The following PLOD2 variants were observed in gnomAD, a reference collection of about 807,000 sequenced individuals.
PLOD2 encodes procollagen-lysine,2-oxoglutarate 5-dioxygenase 2.
In PLOD2, 65 loss-of-function variants were observed where a neutral mutation model predicts 101.0. That is an observed-to-expected ratio of 0.64 (90% CI 0.53 to 0.79). The LOEUF (loss-of-function observed/expected upper bound fraction) is 0.79. Among genes scored for constraint, PLOD2 ranks in the 30% least tolerant of loss-of-function variants. PLOD2 has a pLI of 0.00. For synonymous variants in PLOD2, 314 were observed against 302.9 expected (o/e 1.04, Z -0.38); for missense variants, 909 against 914.6 (o/e 0.99, Z 0.08).
intron 3 of PLOD2, among the ~76,000 whole-genome samples, chr3:146,115,006 GAAAAC>G (rs796759586): frequency 6.6e-6 from 1 of 152,058 alleles, no homozygotes; most frequent in Non-Finnish European, 1.5e-5. Flanking sequence ...AATGAATATA[GAAAAC>G]AAAACAAAAC....
intron 10 of PLOD2, 76 bp downstream of exon 10, chr3:146,086,711 T>C: frequency 9.0e-7 from 1 of 1,105,636 alleles, no homozygotes; most frequent in South Asian, 1.7e-5. Flanking sequence ...ATAACAATTT[T>C]AATTTAAAAG....
In PLOD2 at chr3:146,086,814, C is replaced by T. The variant is rs1936792933; in HGVS notation, c.1100G>A (p.Ser367Asn). 1 of 1,506,940 alleles carries T rather than the reference C, an allele frequency of 6.6e-7. No individual in the cohort carries two copies. The highest frequency in any genetic ancestry group is 1.4e-5 in the African/African-American group (1 of 72,434). The allele number at this position is 1,506,940 out of a possible 1,614,324, so 93.3% of individuals were successfully genotyped here. A position where few individuals can be genotyped will look rare whatever the true frequency, so the allele number is the denominator to read the frequency against. The change falls in exon 10 of 20, where the codon AGT becomes AAT. Residue 367 changes from serine to asparagine, a missense_variant. Physicochemically the swap from Ser to Asn is conservative, Grantham distance 46. Coordinates refer to ENST00000282903, the MANE Select transcript of PLOD2 (RefSeq NM_182943.3). ...TCCCATGTTTCTGGCTTCCGCTTGA[C>T]TTAGATTTTCTTCTGGTCCTACTAT... ...IKIVGPEENL[S>N]QAEARNMGMD...
At chr3:146,105,144 C>T (rs537939391) in intron 5 of PLOD2, 1 of 152,158 alleles carries the variant, frequency 6.6e-6, no homozygotes, top group South Asian at 2.1e-4. Flanking sequence ...CTCCCTACTT[C>T]TTAATTACTT....
chr3:146,071,230 T>G (rs748669154), intron 18 of PLOD2, 47 bp downstream of exon 18: 1 of 1,610,998 alleles, frequency 6.2e-7, no homozygotes, highest in Non-Finnish European at 8.5e-7. Flanking sequence ...AGAACACCTG[T>G]GTAAAAATGG....
Position 146,070,698 on chromosome 3 carries a change from T to A in PLOD2, c.*19A>T. 2 of 1,550,878 alleles carry A rather than the reference T, an allele frequency of 1.3e-6. No homozygotes were observed. Among genetic ancestry groups the A allele is most frequent in the Non-Finnish European group, 1.8e-6 (2 of 1,126,182 alleles). On this transcript the variant is annotated 3_prime_UTR_variant, in exon 20 of 20. Coordinates refer to ENST00000282903, the MANE Select transcript of PLOD2 (RefSeq NM_182943.3). The stretch of plus-strand genomic sequence containing the variant: ...TCATTCATCCAAAATAAATTTCAAT[T>A]CAATGAAAAGTAAATAACTTAGGGA...
chr3:146,124,943 G>A (rs1485477681), intron 1 of PLOD2, among the ~76,000 whole-genome samples: 2 of 151,950 alleles, frequency 1.3e-5, no homozygotes, highest in African/African-American at 2.4e-5. Flanking sequence ...CTTCTTTTTA[G>A]TAAAATTAGA....
In PLOD2 at chr3:146,104,260, C is replaced by A; in HGVS notation, c.679+19G>T. 6.7e-7 allele frequency: 1 copy of A among 1,483,076 alleles called. No individual in the cohort carries two copies. Among genetic ancestry groups the A allele is most frequent in the South Asian group, 1.1e-5 (1 of 88,522 alleles). 91.9% of individuals were successfully genotyped at this position (1,483,076 alleles called of 1,614,324 possible). A position where few individuals can be genotyped will look rare whatever the true frequency, so the allele number is the denominator to read the frequency against. On this transcript the variant is annotated intron_variant, in intron 6 of 19. Transcript: ENST00000282903. ...TGTTTGTTTGTATACGTAAGCAATCCGGTATTTAGGAAGCATACCTACAGC... is the reference window on the plus strand; with the variant it reads ...TGTTTGTTTGTATACGTAAGCAATCAGGTATTTAGGAAGCATACCTACAGC...
chr3:146,143,453 T>G (rs2031625827), intron 1 of PLOD2, among the ~76,000 whole-genome samples: 1 of 152,070 alleles, frequency 6.6e-6, no homozygotes, highest in Admixed American at 6.6e-5. Flanking sequence ...TGACCACAAA[T>G]TCTATCAGCA....
chr3:146,119,853 C>T (rs1444798202), intron 3 of PLOD2, among the ~76,000 whole-genome samples: 6 of 151,880 alleles, frequency 4.0e-5, no homozygotes, highest in Admixed American at 6.6e-5. Flanking sequence ...TGTTGGACAT[C>T]TGGGTTGGTT....
chr3:146,123,721 T>TTATA (rs368663721), intron 2 of PLOD2, among the ~76,000 whole-genome samples: 1 of 150,190 alleles, frequency 6.7e-6, no homozygotes, highest in African/African-American at 2.4e-5. Flanking sequence ...CAGAAAGAAA[T>TTATA]TATATATATA....
chr3:146,074,394 A>C (rs1936257711), intron 15 of PLOD2, among the ~76,000 whole-genome samples: 1 of 151,574 alleles, frequency 6.6e-6, no homozygotes, highest in Non-Finnish European at 1.5e-5. Context: ...CCTTAAATAC[A>C]TCTTTTGAGG....
intron 13 of PLOD2, among the ~76,000 whole-genome samples, 189 bp downstream of exon 13, chr3:146,078,927 T>C (rs571334723): frequency 1.3e-5 from 2 of 152,064 alleles, no homozygotes; most frequent in African/African-American, 4.8e-5. Flanking sequence ...ACATTTTTCA[T>C]ACCATTTCTA....
intron 1 of PLOD2, among the ~76,000 whole-genome samples, chr3:146,130,550 T>A (rs895513387): frequency 1.3e-5 from 2 of 152,186 alleles, no homozygotes; most frequent in African/African-American, 2.4e-5. Flanking sequence ...AAAAAACATT[T>A]CAGAATGAGT....
At chr3:146,152,144 T>C (rs763904048) in intron 1 of PLOD2, among the ~76,000 whole-genome samples, 20 of 152,162 alleles carry the variant, frequency 1.3e-4, no homozygotes. Context: ...ATTGGCCAGG[T>C]GCAGTGGCTC....
At chr3:146,116,036 C>T (rs1937890277) in intron 3 of PLOD2, among the ~76,000 whole-genome samples, 1 of 152,140 alleles carries the variant, frequency 6.6e-6, no homozygotes, top group Non-Finnish European at 1.5e-5. Context: ...TCATTTAGCC[C>T]CAATCCTTTA....
At chr3:146,085,120 G>A (rs1322120004) in intron 11 of PLOD2, 49 bp downstream of exon 11, 3 of 893,518 alleles carry the variant, frequency 3.4e-6, no homozygotes, top group Admixed American at 3.6e-5. Context: ...ACATCAATAT[G>A]AAAAATAATC....
intron 5 of PLOD2, among the ~76,000 whole-genome samples, chr3:146,105,501 A>G (rs1281455673): frequency 6.6e-6 from 1 of 152,200 alleles, no homozygotes; most frequent in Non-Finnish European, 1.5e-5. Flanking sequence ...CTCAACACCC[A>G]TAATCTCCAG....
At chr3:146,136,092 C>G (rs1287450691) in intron 1 of PLOD2, among the ~76,000 whole-genome samples, 2 of 151,968 alleles carry the variant, frequency 1.3e-5, no homozygotes, top group African/African-American at 4.8e-5. Context: ...TTTTCTATGA[C>G]TTTTTAAAAT....
At chr3:146,092,557 CTAAAG>C (rs1160692962) in intron 7 of PLOD2, among the ~76,000 whole-genome samples, 2 of 152,012 alleles carry the variant, frequency 1.3e-5, no homozygotes, top group African/African-American at 4.8e-5. Flanking sequence ...TGACAGTAAG[CTAAAG>C]TACAATATTA....
Sources: gnomAD v4.1 joint callset for allele counts (sites outside exome capture counted in the v4.1 genomes callset) on GRCh38, gnomAD v4.1.1 for gene constraint, MANE v1.5 for transcripts, NCBI Gene and HGNC (gene_info 2026-07-23, HGNC 2026-07-21) for gene names.